The following CISTR variants were observed in gnomAD, a reference collection of about 807,000 sequenced individuals.
CISTR encodes chondrogenic regulator lncRNA.
At chr12:53,746,538 A>G (rs573535242) in exon 3 of CISTR, among the ~76,000 whole-genome samples, 3 of 152,294 alleles carry the variant, frequency 2.0e-5, no homozygotes, top group Admixed American at 6.5e-5. Context: ...CTGTGCCAGC[A>G]GCCCCAGTGC....
rs759902624 is a variant in CISTR at position 53,756,375 on chromosome 12, T to C, written n.414+439A>G. Among the ~76,000 whole-genome samples the C allele has an allele frequency of 6.6e-6, 1 of 152,184 alleles. No homozygotes were observed. The highest frequency in any genetic ancestry group is 6.5e-5 in the Admixed American group (1 of 15,280). On this transcript the variant is annotated intron_variant and non_coding_transcript_variant, in intron 1 of 2. Coordinates refer to ENST00000669269, the Ensembl canonical transcript of CISTR. This position sits in a 1 kb window ranked among gnomAD's most constrained non-coding sequence, Gnocchi z 4.0. Reference sequence around the variant, plus strand: ...AAGATCTGATTATTGTAATAATAGATGATACCACAGGAAGGAACCTTGGAA... The same window carrying C: ...AAGATCTGATTATTGTAATAATAGACGATACCACAGGAAGGAACCTTGGAA...
At chr12:53,748,780 G>A (rs1443036402) in intron 2 of CISTR, among the ~76,000 whole-genome samples, 1 of 152,232 alleles carries the variant, frequency 6.6e-6, no homozygotes, top group Admixed American at 6.5e-5. Flanking sequence ...TAGACTGAGA[G>A]AAGCAGAGAA....
intron 2 of CISTR, among the ~76,000 whole-genome samples, chr12:53,748,302 C>T (rs978682586): frequency 6.6e-6 from 1 of 152,346 alleles, no homozygotes; most frequent in East Asian, 1.9e-4. Flanking sequence ...CGCCAGCGCC[C>T]CCCCAACTCC....
chr12:53,754,655 T>C (rs1937895805), intron 1 of CISTR: 2 of 152,352 alleles, frequency 1.3e-5, no homozygotes, highest in African/African-American at 4.8e-5. Context: ...TATTAGGCTT[T>C]AAAAATCATC....
exon 2 of CISTR, chr12:53,750,647 C>A (rs1454829364): frequency 6.5e-6 from 1 of 152,844 alleles, no homozygotes; most frequent in Non-Finnish European, 1.5e-5. Context: ...TGGCTTTGTA[C>A]CCCAGGCTCT....
At chr12:53,747,266 G>C (rs1937793302) in intron 2 of CISTR, among the ~76,000 whole-genome samples, 1 of 152,204 alleles carries the variant, frequency 6.6e-6, no homozygotes, top group African/African-American at 2.4e-5. Context: ...GAGCCAGGAG[G>C]CAGGAGGCAG....
chr12:53,751,717 G>A lies in CISTR; in HGVS notation n.415-752C>T, dbSNP rs1044756977. 3.3e-5 allele frequency: 5 copies of A among 152,318 alleles called. No individual in the cohort carries two copies. Among genetic ancestry groups the A allele is most frequent in the Admixed American group, 6.5e-5 (1 of 15,282 alleles). The allele number at this position is 152,318 out of a possible 1,614,324, so 9.4% of individuals were successfully genotyped here. A position where few individuals can be genotyped will look rare whatever the true frequency, so the allele number is the denominator to read the frequency against. On this transcript the variant is annotated intron_variant and non_coding_transcript_variant, in intron 1 of 2. Transcript: ENST00000669269. This position sits in a 1 kb window ranked among gnomAD's most constrained non-coding sequence, Gnocchi z 4.6. Reference sequence around the variant, plus strand: ...GGGGCGTCCCGGGGCGAGGGCAGCGGGCCGGTTCCCGCCCGCCCGGGGCCG... The same window carrying A: ...GGGGCGTCCCGGGGCGAGGGCAGCGAGCCGGTTCCCGCCCGCCCGGGGCCG...
chr12:53,746,451 G>T (rs1043876792), exon 3 of CISTR, among the ~76,000 whole-genome samples: 9 of 152,116 alleles, frequency 5.9e-5, no homozygotes, highest in Admixed American at 2.0e-4. Context: ...CCAGTTATCA[G>T]CTGGGACCCT....
chr12:53,751,738 G>T lies in CISTR; in HGVS notation n.415-773C>A, dbSNP rs1937854645. The stretch of plus-strand genomic sequence containing the variant: ...AGCGGGCCGGTTCCCGCCCGCCCGG[G>T]GCCGCGGCTTCCGCATTTCTGCACC... On this transcript the variant is annotated intron_variant and non_coding_transcript_variant, in intron 1 of 2. Transcript: ENST00000669269. This position sits in a 1 kb window ranked among gnomAD's most constrained non-coding sequence, Gnocchi z 4.6. 6.6e-6 allele frequency: 1 copy of T among 152,348 alleles called. No individual in the cohort carries two copies. The allele number at this position is 152,348 out of a possible 1,614,324, so 9.4% of individuals were successfully genotyped here.
intron 2 of CISTR, among the ~76,000 whole-genome samples, chr12:53,748,829 G>A (rs1937811595): frequency 6.6e-6 from 1 of 152,158 alleles, no homozygotes; most frequent in African/African-American, 2.4e-5. Context: ...GAAAGGAAAT[G>A]AGAGTGATGG....
At chr12:53,754,534 C>G (rs1937895024) in intron 1 of CISTR, 1 of 152,188 alleles carries the variant, frequency 6.6e-6, no homozygotes, top group South Asian at 2.1e-4. Flanking sequence ...CTCTCTGTGT[C>G]TTTATTTTAT....
intron 1 of CISTR, among the ~76,000 whole-genome samples, chr12:53,754,854 A>G (rs1937898560): frequency 6.6e-6 from 1 of 152,150 alleles, no homozygotes; most frequent in Non-Finnish European, 1.5e-5. Flanking sequence ...GGATCTGTTT[A>G]CACTCTACTG....
chr12:53,747,998 G>A (rs1258473006), intron 2 of CISTR, among the ~76,000 whole-genome samples: 7 of 152,136 alleles, frequency 4.6e-5, no homozygotes, highest in Non-Finnish European at 8.8e-5. Flanking sequence ...GAATGTACAA[G>A]ACATGTAGAT....
rs1937883343 is a variant in CISTR, at chr12:53,753,668, GT to G, written n.415-2704del. Among the ~76,000 whole-genome samples, 201 of 36,548 alleles carry G rather than the reference GT, an allele frequency of 5.5e-3. No homozygotes were observed. In the East Asian group the frequency reaches 0.077, roughly 14 times the overall value. 24.0% of individuals were successfully genotyped at this position (36,548 alleles called of 152,430 possible). On this transcript the variant is annotated intron_variant and non_coding_transcript_variant, in intron 1 of 2. Coordinates refer to ENST00000669269, the Ensembl canonical transcript of CISTR. ...AGATGGGGAAGGAATGCATAGGGGT[GT>G]GTGTGTGTGTGTGTGTGTGTGTGTG...
chr12:53,747,042 G>A (rs1237613313), intron 2 of CISTR, among the ~76,000 whole-genome samples: 2 of 152,224 alleles, frequency 1.3e-5, no homozygotes, highest in Non-Finnish European at 2.9e-5. Context: ...GAGACAAGGG[G>A]CCGAGATTGA....
intron 1 of CISTR, among the ~76,000 whole-genome samples, chr12:53,752,823 T>C (rs1284169685): frequency 6.6e-6 from 1 of 152,132 alleles, no homozygotes; most frequent in Non-Finnish European, 1.5e-5. Flanking sequence ...AAGGAAACCA[T>C]GTGGACTGGC....
chr12:53,746,855 G>A (rs1937787900), intron 2 of CISTR, among the ~76,000 whole-genome samples: 1 of 152,184 alleles, frequency 6.6e-6, no homozygotes, highest in East Asian at 1.9e-4. Context: ...CCCCCTGGTG[G>A]AAATTGCGTA....
exon 2 of CISTR, chr12:53,750,886 G>C (rs1040592060): frequency 6.5e-6 from 1 of 152,980 alleles, no homozygotes; most frequent in African/African-American, 2.4e-5. Context: ...AAGCATTGCC[G>C]TCTGTCTCTC....
At chr12:53,755,957 T>A (rs1054334059) in intron 1 of CISTR, 3 of 152,222 alleles carry the variant, frequency 2.0e-5, no homozygotes, top group Non-Finnish European at 4.4e-5. Context: ...AGAGGGGCTC[T>A]TTTTGCAGGG....
Sources: allele counts gnomAD v4.1 joint callset (sites outside exome capture counted in the v4.1 genomes callset), GRCh38; gene constraint gnomAD v4.1.1; non-coding constraint Gnocchi (gnomAD v3.1); transcripts MANE v1.5; gene names NCBI Gene and HGNC (gene_info 2026-07-23, HGNC 2026-07-21).